Variants in DCAF16 observed in about 807,000 individuals in gnomAD.
DCAF16 encodes DDB1- and CUL4-associated factor 16.
Under a neutral mutation model 17.3 loss-of-function variants are expected in DCAF16, and 10 were observed. The observed-to-expected ratio is 0.58, with a 90% CI of 0.36 to 0.98. DCAF16 has a LOEUF of 0.98. Among genes scored for constraint, DCAF16 ranks in the 50% least tolerant of loss-of-function variants. The pLI, the probability that DCAF16 is intolerant of heterozygous loss-of-function variation, is 0.01. For missense variants in DCAF16, 249 were observed against 247.6 expected, an observed-to-expected ratio of 1.01 and a Z score of -0.04; for synonymous variants, 111 against 92.8, an observed-to-expected ratio of 1.20 and a Z score of -1.12.
chr4:17,796,500 G>A (rs995204288), downstream of DCAF16, among the ~76,000 whole-genome samples: 2 of 152,132 alleles, frequency 1.3e-5, no homozygotes, highest in African/African-American at 4.8e-5. Flanking sequence ...CATGAGGTCA[G>A]GAGATTGAGA....
At chr4:17,796,119 A>G (rs1286027479), downstream of DCAF16, among the ~76,000 whole-genome samples, 1 of 152,236 alleles carries the variant, frequency 6.6e-6, no homozygotes, top group Admixed American at 6.5e-5. Context: ...ATAAGGCTTC[A>G]GTCATCTGCT....
intron 1 of DCAF16, among the ~76,000 whole-genome samples, chr4:17,806,448 T>TA (rs1183462837): frequency 3.3e-5 from 5 of 152,096 alleles, no homozygotes; most frequent in African/African-American, 1.2e-4. Flanking sequence ...CCAGCAATAC[T>TA]AACTAGACCA....
rs1262420976 is a variant in DCAF16, at chr4:17,800,934, A to ATT, written c.*2555_*2556dup. ...TTCACAGAATACCTACATAGGAACA[A>ATT]TTTCTGATACATTCAGTTACACTAA... is the stretch of plus-strand genomic sequence containing the variant. On this transcript the variant is annotated 3_prime_UTR_variant, in exon 3 of 3. Coordinates refer to ENST00000382247, the MANE Select transcript of DCAF16 (RefSeq NM_017741.4). 1 of 152,568 alleles carries ATT rather than the reference A, an allele frequency of 6.6e-6. No individual in the cohort carries two copies. Among genetic ancestry groups the ATT allele is most frequent in the African/African-American group, 2.4e-5 (1 of 41,454 alleles). 9.5% of individuals were successfully genotyped at this position (152,568 alleles called of 1,614,324 possible). A position where few individuals can be genotyped will look rare whatever the true frequency, so the allele number is the denominator to read the frequency against.
At chr4:17,807,668 C>T (rs140841129) in intron 1 of DCAF16, among the ~76,000 whole-genome samples, 1 of 152,314 alleles carries the variant, frequency 6.6e-6, no homozygotes, top group East Asian at 1.9e-4. Flanking sequence ...ATTCTAGGTT[C>T]CTATCGCTGG....
downstream of DCAF16, among the ~76,000 whole-genome samples, chr4:17,795,840 C>T (rs948258032): frequency 3.3e-5 from 5 of 152,174 alleles, no homozygotes; most frequent in Non-Finnish European, 7.3e-5. Context: ...AAGGAGCAGG[C>T]CTTGTGGACT....
intron 1 of DCAF16, 79 bp from the exon 2 acceptor site, chr4:17,805,304 G>A (rs1429283805): frequency 2.6e-5 from 4 of 151,946 alleles, no homozygotes; most frequent in Admixed American, 2.6e-4. Flanking sequence ...CCCAAACTTA[G>A]AGATGAACCA....
chr4:17,801,468 A>C lies in DCAF16; in HGVS notation c.*2023T>G, dbSNP rs1719777532. 6.6e-6 allele frequency: 1 copy of C among 152,130 alleles called. No homozygotes were observed. Among genetic ancestry groups the C allele is most frequent in the Admixed American group, 6.5e-5 (1 of 15,274 alleles). 9.4% of individuals were successfully genotyped at this position (152,130 alleles called of 1,614,324 possible). A position where few individuals can be genotyped will look rare whatever the true frequency, so the allele number is the denominator to read the frequency against. ...TGATGCCACTTTGTAAACGGCACTT[A>C]ATTATGGAAAATAGGAAAAAGCAAA... On this transcript the variant is annotated 3_prime_UTR_variant, in exon 3 of 3. Coordinates refer to ENST00000382247, the MANE Select transcript of DCAF16 (RefSeq NM_017741.4).
intron 1 of DCAF16, among the ~76,000 whole-genome samples, chr4:17,807,445 A>C (rs1038213368): frequency 2.0e-5 from 3 of 152,230 alleles, no homozygotes; most frequent in Non-Finnish European, 4.4e-5. Context: ...AGTGTCAGTG[A>C]GTTCTTTTTT....
At chr4:17,805,671 G>A (rs1485406239) in intron 1 of DCAF16, among the ~76,000 whole-genome samples, 3 of 152,182 alleles carry the variant, frequency 2.0e-5, no homozygotes, top group Non-Finnish European at 4.4e-5. Context: ...CTTTAAAAGT[G>A]AAGTCAGGGG....
At chr4:17,793,965 C>T in the DCAF16 span, among the ~76,000 whole-genome samples, 1 of 152,016 alleles carries the variant, frequency 6.6e-6, no homozygotes, top group Non-Finnish European at 1.5e-5. Flanking sequence ...TAAAAATTCA[C>T]TCTCAGACTA....
At position 17,803,555 on chromosome 4, in the gene DCAF16, T is replaced by C; in HGVS notation, c.587A>G (p.Asn196Ser). ...VKETTRTEPI[N>S]TTYSYTDFQK... Reference sequence around the variant, plus strand: ...GAAGTCAGTGTAAGAATAAGTAGTGTTGATGGGTTCAGTACGAGTTGTTTC... The same window carrying C: ...GAAGTCAGTGTAAGAATAAGTAGTGCTGATGGGTTCAGTACGAGTTGTTTC... The change falls in exon 3 of 3, where the codon AAC (asparagine) becomes AGC (serine). Residue 196 changes from asparagine (N) to serine (S), a missense_variant. Transcript: ENST00000382247. The C allele has an allele frequency of 6.2e-7, 1 of 1,614,194 alleles. No homozygotes were observed. Among genetic ancestry groups the C allele is most frequent in the African/African-American group, 1.3e-5 (1 of 75,060 alleles).
rs1394820722 is a variant in DCAF16 at position 17,803,523 on chromosome 4, C to T, written c.619G>A (p.Ala207Thr). Residue 207 changes from alanine (A) to threonine (T), a missense_variant, in exon 3 of 3, where the codon GCA (alanine) becomes ACA (threonine). Transcript: ENST00000382247. Reference protein sequence around the residue: ...TTYSYTDFQKAVNKLLTASL With the variant: ...TTYSYTDFQKTVNKLLTASL ...GATGCAGTTAGGAGTTTGTTAACTG[C>T]CTTTTGGAAGTCAGTGTAAGAATAA... is the stretch of plus-strand genomic sequence containing the variant. 1 of 1,613,876 alleles carries T rather than the reference C, an allele frequency of 6.2e-7. No individual in the cohort carries two copies. The highest frequency in any genetic ancestry group is 1.3e-5 in the African/African-American group (1 of 74,894).
rs1451619893 is a variant in DCAF16, at chr4:17,800,728, A to T, written c.*2763T>A. The T allele has an allele frequency of 2.0e-5, 3 of 152,678 alleles. No homozygotes were observed. Among genetic ancestry groups the T allele is most frequent in the African/African-American group, 7.2e-5 (3 of 41,462 alleles). The allele number at this position is 152,678 out of a possible 1,614,324, so 9.5% of individuals were successfully genotyped here. ...AGGCTTCCTTTCGAAGTGAATAGCA[A>T]AAATGCATTCATGAGCAAGGCACTT... On this transcript the variant is annotated 3_prime_UTR_variant, in exon 3 of 3. Transcript: ENST00000382247.
downstream of DCAF16, among the ~76,000 whole-genome samples, chr4:17,799,255 T>A (rs1719579931): frequency 6.6e-6 from 1 of 152,234 alleles, no homozygotes; most frequent in Admixed American, 6.5e-5. Flanking sequence ...TTCAATTCTT[T>A]TATATGATTC....
At chr4:17,805,523 G>A (rs560752016) in intron 1 of DCAF16, among the ~76,000 whole-genome samples, 1 of 152,270 alleles carries the variant, frequency 6.6e-6, no homozygotes. Context: ...GTTAGTTCCT[G>A]ACCACCATGT....
intron 1 of DCAF16, among the ~76,000 whole-genome samples, chr4:17,808,751 G>A (rs1181337884): frequency 2.0e-5 from 3 of 152,196 alleles, no homozygotes; most frequent in South Asian, 2.1e-4. Context: ...AATACTAGCC[G>A]GGCGCGGTGG....
downstream of DCAF16, among the ~76,000 whole-genome samples, chr4:17,798,784 T>C (rs140963142): frequency 6.6e-6 from 1 of 152,314 alleles, no homozygotes; most frequent in East Asian, 1.9e-4. Flanking sequence ...CGGCTGCTAA[T>C]TGAAAGGAAG....
In DCAF16 at chr4:17,803,470, A is replaced by C. The variant is rs1719982602; in HGVS notation, c.*21T>G. ...TTTCTCAATTAGCAACATCAGAGATATCAGAGCAAATGGTAGATCTTTACA... is the reference window on the plus strand; with the variant it reads ...TTTCTCAATTAGCAACATCAGAGATCTCAGAGCAAATGGTAGATCTTTACA... On this transcript the variant is annotated 3_prime_UTR_variant, in exon 3 of 3. Transcript: ENST00000382247. 6.2e-7 allele frequency: 1 copy of C among 1,602,762 alleles called. No homozygotes were observed. Among genetic ancestry groups the C allele is most frequent in the Non-Finnish European group, 8.5e-7 (1 of 1,172,102 alleles).
Position 17,802,155 on chromosome 4 carries a change from T to C in DCAF16, c.*1336A>G, listed in dbSNP as rs1345225297. The stretch of plus-strand genomic sequence containing the variant: ...GGGTTCCTGAAAAGTTTGCAATGGA[T>C]GTGGAAAGTACTTGAGCTTTTACTC... On this transcript the variant is annotated 3_prime_UTR_variant, in exon 3 of 3. Coordinates refer to ENST00000382247, the MANE Select transcript of DCAF16 (RefSeq NM_017741.4). The C allele has an allele frequency of 1.3e-5, 2 of 150,606 alleles. No individual in the cohort carries two copies. The highest frequency in any genetic ancestry group is 3.0e-5 in the Non-Finnish European group (2 of 67,464). 9.3% of individuals were successfully genotyped at this position (150,606 alleles called of 1,614,324 possible). A position where few individuals can be genotyped will look rare whatever the true frequency, so the allele number is the denominator to read the frequency against.
Sources: allele counts gnomAD v4.1 joint callset (sites outside exome capture counted in the v4.1 genomes callset), GRCh38; gene constraint gnomAD v4.1.1; transcripts MANE v1.5; gene names NCBI Gene and HGNC (gene_info 2026-07-23, HGNC 2026-07-21).